PRKCE: variants seen among roughly 807,000 people sequenced by gnomAD.
The protein encoded by PRKCE is protein kinase C epsilon, also known as protein kinase C epsilon type.
A neutral mutation model predicts 85.4 loss-of-function variants in PRKCE; 16 were observed. That is an observed-to-expected ratio of 0.19 (90% CI 0.13 to 0.28). The LOEUF is 0.28. Ranked by LOEUF, PRKCE falls within the 10% of genes least tolerant of loss-of-function variation. The pLI, the probability that PRKCE is intolerant of heterozygous loss-of-function variation, is 1.00. For missense variants in PRKCE, 573 were observed against 975.2 expected, an observed-to-expected ratio of 0.59 and a Z score of 5.49; for synonymous variants, 388 against 371.5, an observed-to-expected ratio of 1.04 and a Z score of -0.51.
At chr2:46,123,692 A>T (rs1673564269) in intron 11 of PRKCE, among the ~76,000 whole-genome samples, 1 of 152,038 alleles carries the variant, frequency 6.6e-6, no homozygotes, top group Non-Finnish European at 1.5e-5. Flanking sequence ...TGCCATGTTG[A>T]CCAGGCTGGT....
intron 1 of PRKCE, among the ~76,000 whole-genome samples, chr2:45,708,684 T>C (rs1679340166): frequency 1.3e-5 from 2 of 152,202 alleles, no homozygotes; most frequent in African/African-American, 4.8e-5. Context: ...GAAAACGGAC[T>C]AATACACCAG....
intron 2 of PRKCE, among the ~76,000 whole-genome samples, chr2:45,875,222 T>C (rs1045490782): frequency 2.6e-5 from 4 of 152,194 alleles, no homozygotes; most frequent in African/African-American, 9.6e-5. Context: ...ATGAATACTT[T>C]CTTGTAAATT....
intron 1 of PRKCE, among the ~76,000 whole-genome samples, chr2:45,784,355 C>CA (rs1352823406): frequency 2.0e-5 from 3 of 151,776 alleles, no homozygotes; most frequent in Non-Finnish European, 2.9e-5. Flanking sequence ...CCGAACCTGC[C>CA]AAAAAAGGAA....
At chr2:45,864,492 A>T (rs75505443) in intron 2 of PRKCE, among the ~76,000 whole-genome samples, 1,077 of 64,232 alleles carry the variant, frequency 0.017, 5 homozygotes, top group Non-Finnish European at 0.023. Context: ...TAATAGAAAT[A>T]TTTTTTTAAT....
Position 45,652,190 on chromosome 2 carries a change from A to T in PRKCE, c.90A>T (p.Gly30=). ...CCTGGTCGCTGCGCCATGCGGTGGGACCCCGGCCGCAGACTTTCCTTCTCG... is the reference window on the plus strand; with the variant it reads ...CCTGGTCGCTGCGCCATGCGGTGGGTCCCCGGCCGCAGACTTTCCTTCTCG... ...PTAWSLRHAV[G]PRPQTFLLDP... is the part of the protein sequence containing the mutation. Residue 30 remains glycine (G), a synonymous_variant, in exon 1 of 15, where the codon GGA becomes GGT. Coordinates refer to ENST00000306156, the MANE Select transcript of PRKCE (RefSeq NM_005400.3). The surrounding 1 kb of genome is among the most constrained non-coding windows in gnomAD (Gnocchi z 7.7). 2 of 1,613,000 alleles carry T rather than the reference A, an allele frequency of 1.2e-6. No individual in the cohort carries two copies. The highest frequency in any genetic ancestry group is 1.7e-6 in the Non-Finnish European group (2 of 1,179,786).
chr2:46,055,152 T>G (rs1666445172), intron 10 of PRKCE, among the ~76,000 whole-genome samples: 1 of 152,220 alleles, frequency 6.6e-6, no homozygotes, highest in African/African-American at 2.4e-5. Flanking sequence ...TGTTCATACT[T>G]AAATCACCAT....
At chr2:45,811,237 A>T (rs1688633334) in intron 1 of PRKCE, among the ~76,000 whole-genome samples, 1 of 152,220 alleles carries the variant, frequency 6.6e-6, no homozygotes, top group Admixed American at 6.5e-5. Flanking sequence ...ATAGCAAGCA[A>T]TGAGAGGCCA....
In PRKCE at chr2:46,001,033, G is replaced by A. The variant is rs1704635880; in HGVS notation, c.824-371G>A. 6.6e-6 allele frequency: 1 copy of A among 152,212 alleles called. No individual in the cohort carries two copies. Among genetic ancestry groups the A allele is most frequent in the African/African-American group, 2.4e-5 (1 of 41,420 alleles). The allele number at this position is 152,212 out of a possible 1,614,324, so 9.4% of individuals were successfully genotyped here. A position where few individuals can be genotyped will look rare whatever the true frequency, so the allele number is the denominator to read the frequency against. ...TTTCACCTGTGATGTCTTACACCAA[G>A]GACAACTAAGTGAAGAGGGAAAAGC... On this transcript the variant is annotated intron_variant, in intron 6 of 14. Transcript: ENST00000306156. The surrounding 1 kb of genome is among the most constrained non-coding windows in gnomAD (Gnocchi z 4.4).
chr2:46,086,684 C>T (rs1669670166), intron 11 of PRKCE, among the ~76,000 whole-genome samples: 1 of 152,188 alleles, frequency 6.6e-6, no homozygotes, highest in African/African-American at 2.4e-5. Flanking sequence ...CTTCCTTGAA[C>T]ATCAGGGCAT....
intron 11 of PRKCE, among the ~76,000 whole-genome samples, chr2:46,109,095 A>C (rs781722353): frequency 5.9e-5 from 9 of 152,134 alleles, no homozygotes; most frequent in Non-Finnish European, 1.0e-4. Context: ...CTTGATTACT[A>C]TAGCTTTATA....
intron 11 of PRKCE, among the ~76,000 whole-genome samples, chr2:46,112,372 T>C (rs1359807857): frequency 6.6e-6 from 1 of 152,240 alleles, no homozygotes; most frequent in Non-Finnish European, 1.5e-5. Flanking sequence ...TTTTGCTTAT[T>C]TGTTTTATCC....
At chr2:45,781,120 C>T (rs1345680491) in intron 1 of PRKCE, among the ~76,000 whole-genome samples, 1 of 151,932 alleles carries the variant, frequency 6.6e-6, no homozygotes, top group Non-Finnish European at 1.5e-5. Context: ...ATCACTTGAG[C>T]CCAGGAGTTC....
At chr2:45,940,454 CA>C (rs1257315716) in intron 2 of PRKCE, among the ~76,000 whole-genome samples, 9 of 152,278 alleles carry the variant, frequency 5.9e-5, no homozygotes, top group African/African-American at 2.2e-4. Flanking sequence ...GAAAACATTT[CA>C]AAATGTTGTT....
intron 1 of PRKCE, among the ~76,000 whole-genome samples, chr2:45,673,707 AG>A (rs1170160187): frequency 6.6e-6 from 1 of 152,206 alleles, no homozygotes; most frequent in Non-Finnish European, 1.5e-5. Flanking sequence ...AAGAGAGAAA[AG>A]CTTAGGTTGA....
chr2:45,912,151 G>T lies in PRKCE; in HGVS notation c.413-64278G>T, dbSNP rs1697427042. On this transcript the variant is annotated intron_variant, in intron 2 of 14. Transcript: ENST00000306156. Reference sequence around the variant, plus strand: ...ACTGGGGAGAGAAGAACAATACCAGGAACGATGGCAACCATTTGTTTTTCA... The same window carrying T: ...ACTGGGGAGAGAAGAACAATACCAGTAACGATGGCAACCATTTGTTTTTCA... Among the ~76,000 whole-genome samples the T allele has an allele frequency of 2.0e-5, 3 of 152,058 alleles. No homozygotes were observed. The South Asian group carries it at 6.2e-4, about 32-fold the overall frequency.
chr2:45,837,661 A>G (rs1297656735), intron 1 of PRKCE, among the ~76,000 whole-genome samples: 1 of 152,100 alleles, frequency 6.6e-6, no homozygotes, highest in Non-Finnish European at 1.5e-5. Context: ...TGATCTCACT[A>G]GCACACTGCA....
At chr2:45,667,541 T>A (rs1211951231) in intron 1 of PRKCE, among the ~76,000 whole-genome samples, 1 of 152,016 alleles carries the variant, frequency 6.6e-6, no homozygotes, top group Non-Finnish European at 1.5e-5. Flanking sequence ...CTTTCTTCCA[T>A]AACTGAAGAG....
intron 2 of PRKCE, among the ~76,000 whole-genome samples, chr2:45,940,703 C>G (rs367871590): frequency 6.7e-6 from 1 of 149,630 alleles, no homozygotes; most frequent in Admixed American, 6.6e-5. Context: ...CTTTCACTCC[C>G]ACACATGCTT....
chr2:45,892,456 G>C (rs1573773747), intron 2 of PRKCE, among the ~76,000 whole-genome samples: 1 of 152,232 alleles, frequency 6.6e-6, no homozygotes, highest in Admixed American at 6.5e-5. Flanking sequence ...AAAGTGAAGT[G>C]CATAAATCAT....
Sources: allele counts gnomAD v4.1 joint callset (sites outside exome capture counted in the v4.1 genomes callset), GRCh38; gene constraint gnomAD v4.1.1; non-coding constraint Gnocchi (gnomAD v3.1); transcripts MANE v1.5; gene names NCBI Gene and HGNC (gene_info 2026-07-23, HGNC 2026-07-21).